The following PIGF variants were observed in gnomAD, a reference collection of about 807,000 sequenced individuals.
PIGF encodes the protein phosphatidylinositol glycan anchor biosynthesis class F.
In PIGF, 23 loss-of-function variants were observed where a neutral mutation model predicts 26.0. The ratio of observed to expected loss-of-function variants is 0.88; its 90% CI spans 0.64 to 1.25. The LOEUF (loss-of-function observed/expected upper bound fraction) is 1.25, where lower values mean the gene tolerates loss of function less well. Ranked by LOEUF, PIGF falls within the 50% of genes most tolerant of loss-of-function variation. PIGF has a pLI of 0.00. For synonymous variants in PIGF, 93 were observed against 92.6 expected (o/e 1.00, Z -0.03); for missense variants, 278 against 249.9 (o/e 1.11, Z -0.76).
chr2:46,616,054 C>T (rs970101481), intron 1 of PIGF: 6 of 151,820 alleles, frequency 4.0e-5, no homozygotes, highest in African/African-American at 1.5e-4. Context: ...CGCACACGCG[C>T]GCGCGCGCGT....
chr2:46,597,905 A>G (rs1669939195), intron 4 of PIGF, among the ~76,000 whole-genome samples: 1 of 152,190 alleles, frequency 6.6e-6, no homozygotes. Flanking sequence ...TTCATCCACT[A>G]TGCTGAAAAT....
At chr2:46,613,846 C>A (rs1670507126) in intron 2 of PIGF, 61 bp from the exon 3 acceptor site, 1 of 1,374,050 alleles carries the variant, frequency 7.3e-7, no homozygotes. Context: ...ATAAATTCTT[C>A]CATTTCATCT....
intron 5 of PIGF, among the ~76,000 whole-genome samples, chr2:46,590,533 A>ATATGT (rs3053644): frequency 1 from 152,083 of 152,218 alleles, 75,974 homozygotes; most frequent in Middle Eastern, 1. Context: ...ATACAAAATG[A>ATATGT]TTATTATATC....
chr2:46,611,063 C>T (rs942865032), intron 4 of PIGF, among the ~76,000 whole-genome samples: 19 of 152,178 alleles, frequency 1.2e-4, no homozygotes, highest in African/African-American at 4.1e-4. Flanking sequence ...ATTCCCATCT[C>T]CCCCTCCATT....
intron 4 of PIGF, among the ~76,000 whole-genome samples, chr2:46,600,258 A>G (rs1670016037): frequency 6.6e-6 from 1 of 152,198 alleles, no homozygotes; most frequent in Non-Finnish European, 1.5e-5. Flanking sequence ...CTCTATTGGT[A>G]GGAATATGTA....
chr2:46,612,309 A>C lies in PIGF; in HGVS notation c.356T>G (p.Leu119Trp), dbSNP rs1670446983. 2 of 1,480,734 alleles carry C rather than the reference A, an allele frequency of 1.4e-6. No homozygotes were observed. The highest frequency in any genetic ancestry group is 1.4e-5 in the African/African-American group (1 of 69,620). 91.7% of individuals were successfully genotyped at this position (1,480,734 alleles called of 1,614,324 possible). Residue 119 changes from leucine (L) to tryptophan (W), a missense_variant, in exon 4 of 6, where the codon TTG becomes TGG. Transcript: ENST00000281382. ...ALETFLFAVI[L>W]STFTTVPCLC... ...GCAAGGCACAGTAGTAAAAGTAGAC[A>C]AAATAACTGCAAATAAAAATGTTTC...
chr2:46,611,459 G>T (rs1353021523), intron 4 of PIGF, among the ~76,000 whole-genome samples: 1 of 151,126 alleles, frequency 6.6e-6, no homozygotes, highest in African/African-American at 2.4e-5. Flanking sequence ...ACTCCAGCCT[G>T]GCGACAGAGC....
At chr2:46,595,640 T>C (rs571677764) in intron 4 of PIGF, among the ~76,000 whole-genome samples, 3 of 152,238 alleles carry the variant, frequency 2.0e-5, no homozygotes, top group Admixed American at 6.5e-5. Flanking sequence ...TTAGGTCCTA[T>C]GGAAACTCTT....
intron 5 of PIGF, among the ~76,000 whole-genome samples, chr2:46,583,335 C>G (rs1265810439): frequency 1.3e-5 from 2 of 152,146 alleles, no homozygotes. Context: ...GGAGGTAGAA[C>G]AGAGATCTCC....
chr2:46,591,830 C>G, intron 5 of PIGF: 1 of 1,300,774 alleles, frequency 7.7e-7, no homozygotes, highest in South Asian at 1.2e-5. Flanking sequence ...AGCATATCAG[C>G]TTTATCTTAT....
intron 4 of PIGF, among the ~76,000 whole-genome samples, chr2:46,606,492 T>C (rs1296714122): frequency 1.3e-5 from 2 of 152,226 alleles, no homozygotes; most frequent in African/African-American, 4.8e-5. Flanking sequence ...GTTAAATTTA[T>C]CCTAACCCTA....
At chr2:46,598,850 T>G (rs1669969919) in intron 4 of PIGF, among the ~76,000 whole-genome samples, 1 of 152,234 alleles carries the variant, frequency 6.6e-6, no homozygotes, top group Admixed American at 6.5e-5. Context: ...TCAATAACAC[T>G]ATTTTTAAAC....
chr2:46,615,317 A>G, intron 1 of PIGF, 132 bp from the exon 2 acceptor site: 1 of 559,938 alleles, frequency 1.8e-6, no homozygotes, highest in Non-Finnish European at 3.2e-6. Context: ...AACACAAAAG[A>G]TGCAGACGTG....
At chr2:46,607,622 G>A (rs190391536) in intron 4 of PIGF, among the ~76,000 whole-genome samples, 2 of 152,172 alleles carry the variant, frequency 1.3e-5, no homozygotes, top group East Asian at 1.9e-4. Flanking sequence ...TCTTTTTGCT[G>A]GTGGAAGATG....
Position 46,602,782 on chromosome 2 carries a change from C to T in PIGF, c.437+9446G>A, listed in dbSNP as rs554659716. On this transcript the variant is annotated intron_variant, in intron 4 of 5. Coordinates refer to ENST00000281382, the MANE Select transcript of PIGF (RefSeq NM_002643.4). ...ATTATTGAGTAGGAAAAAGCATGTACTATTCATGTATTTTGTACAATCTCC... is the reference window on the plus strand; with the variant it reads ...ATTATTGAGTAGGAAAAAGCATGTATTATTCATGTATTTTGTACAATCTCC... Among the ~76,000 whole-genome samples the T allele has an allele frequency of 2.0e-5, 3 of 151,952 alleles. No individual in the cohort carries two copies. The South Asian group carries it at 6.2e-4, about 31-fold the overall frequency.
In PIGF at chr2:46,588,086, G is replaced by C. The variant is rs1422858794; in HGVS notation, c.546+4389C>G. On this transcript the variant is annotated intron_variant, in intron 5 of 5. Coordinates refer to ENST00000281382, the MANE Select transcript of PIGF (RefSeq NM_002643.4). The surrounding 1 kb of genome is among the most constrained non-coding windows in gnomAD (Gnocchi z 4.1). ...GGAGTAAAACCTACCTTGCACTACG[G>C]TTGTCAGGATTAAGTTACTCATTTC... 1.9e-6 allele frequency: 3 copies of C among 1,591,126 alleles called. 1 individual carries two copies. In the Admixed American group the frequency reaches 5.3e-5, roughly 28 times the overall value.
At chr2:46,615,959 T>G (rs564640585) in intron 1 of PIGF, 14 of 152,256 alleles carry the variant, frequency 9.2e-5, no homozygotes, top group African/African-American at 3.1e-4. Context: ...CTTTATTAAT[T>G]TAAAGTAACA....
intron 5 of PIGF, chr2:46,591,685 C>T: frequency 9.5e-7 from 1 of 1,055,732 alleles, no homozygotes; most frequent in Non-Finnish European, 1.2e-6. Context: ...ACTACAAAGT[C>T]ATTAATATTA....
chr2:46,591,729 G>C, intron 5 of PIGF: 1 of 1,140,672 alleles, frequency 8.8e-7, no homozygotes, highest in South Asian at 1.7e-5. Flanking sequence ...TAAGTTCAGT[G>C]ACCTTGGGAA....
Sources: allele counts gnomAD v4.1 joint callset (sites outside exome capture counted in the v4.1 genomes callset), GRCh38; gene constraint gnomAD v4.1.1; non-coding constraint Gnocchi (gnomAD v3.1); transcripts MANE v1.5; gene names NCBI Gene and HGNC (gene_info 2026-07-23, HGNC 2026-07-21).